The following ZNF365 variants were observed in gnomAD, a reference collection of about 807,000 sequenced individuals.
ZNF365 encodes the protein zinc finger protein 365.
ZNF365 carries 22 observed loss-of-function variants against 35.0 expected under a neutral mutation model. That is an observed-to-expected ratio of 0.63 (90% CI 0.45 to 0.90). The LOEUF is 0.90. ZNF365 is among the 40% of genes least tolerant of loss of function. ZNF365 has a pLI of 0.00. For missense variants in ZNF365, 448 were observed against 500.3 expected (o/e 0.90, Z 1.00); for synonymous variants, 188 against 196.2 (o/e 0.96, Z 0.35).
At chr10:62,418,276 C>CA (rs1013959105) in intron 3 of ZNF365, among the ~76,000 whole-genome samples, 99 of 151,884 alleles carry the variant, frequency 6.5e-4, no homozygotes, top group African/African-American at 2.2e-3. Context: ...TTGGAGTTCA[C>CA]AAAAAATAGG....
At chr10:62,440,440 C>G (rs992810551) in intron 3 of ZNF365, among the ~76,000 whole-genome samples, 3 of 152,030 alleles carry the variant, frequency 2.0e-5, no homozygotes, top group African/African-American at 7.2e-5. Flanking sequence ...TCTGTTGTTT[C>G]CTTCTTTGCA....
chr10:62,422,413 C>T (rs1242305415), intron 3 of ZNF365, among the ~76,000 whole-genome samples: 7 of 152,130 alleles, frequency 4.6e-5, no homozygotes, highest in Admixed American at 4.6e-4. Flanking sequence ...GACTCATTTA[C>T]CAGATGACAA....
At chr10:62,375,179 G>C (rs552170432) in intron 1 of ZNF365, among the ~76,000 whole-genome samples, 1 of 152,246 alleles carries the variant, frequency 6.6e-6, no homozygotes, top group South Asian at 2.1e-4. Context: ...TTGCAGAATT[G>C]GGTTGCCAAC....
intron 3 of ZNF365, among the ~76,000 whole-genome samples, chr10:62,441,955 G>A (rs1340344465): frequency 6.6e-6 from 1 of 152,072 alleles, no homozygotes; most frequent in East Asian, 1.9e-4. Flanking sequence ...TAATGATTCC[G>A]GAGCCCCGTC....
At position 62,387,598 on chromosome 10, in the gene ZNF365, C is replaced by T. The variant is rs143530590; in HGVS notation, c.744-798C>T. On this transcript the variant is annotated intron_variant, in intron 2 of 4. Transcript: ENST00000395254. ...AAAGGAGTAGTTGAAGTATTTTGCTCAGCTTCTTAGGGGAGGGCAACCCAT... is the reference window on the plus strand; with the variant it reads ...AAAGGAGTAGTTGAAGTATTTTGCTTAGCTTCTTAGGGGAGGGCAACCCAT... Among the ~76,000 whole-genome samples, 1,016 of 152,038 alleles carry T rather than the reference C, an allele frequency of 6.7e-3. 3 individuals carry two copies. Among genetic ancestry groups the T allele is most frequent in the Non-Finnish European group, 0.01 (694 of 67,974 alleles).
rs566373797 is a variant in ZNF365, at chr10:62,378,566, A to T, written c.743+1630A>T. ...CTGAAAAACTAAGACATGTTAAAAC[A>T]GGAAAAACTTGAATAGGAGAGAATT... is the stretch of plus-strand genomic sequence containing the variant. On this transcript the variant is annotated intron_variant, in intron 2 of 4. Coordinates refer to ENST00000395254, the MANE Select transcript of ZNF365 (RefSeq NM_014951.3). Among the ~76,000 whole-genome samples, 3 of 152,358 alleles carry T rather than the reference A, an allele frequency of 2.0e-5. 1 individual carries two copies. The highest frequency in any genetic ancestry group is 2.0e-4 in the Admixed American group (3 of 15,308).
chr10:62,408,960 G>A (rs1246163808), intron 3 of ZNF365, among the ~76,000 whole-genome samples: 1 of 152,144 alleles, frequency 6.6e-6, no homozygotes. Context: ...TACTCCAGCT[G>A]TAGTTGACAT....
At chr10:62,447,632 G>A (rs1047319960) in intron 3 of ZNF365, among the ~76,000 whole-genome samples, 34 of 152,182 alleles carry the variant, frequency 2.2e-4, no homozygotes, top group Admixed American at 1.7e-3. Flanking sequence ...TTCTGAAGAC[G>A]GTCAAAGAGT....
chr10:62,388,394 A>G lies in ZNF365; in HGVS notation c.744-2A>G. 1 of 1,614,178 alleles carries G rather than the reference A, an allele frequency of 6.2e-7. No homozygotes were observed. Among genetic ancestry groups the G allele is most frequent in the Non-Finnish European group, 8.5e-7 (1 of 1,180,022 alleles). On this transcript the variant is annotated splice_acceptor_variant, in intron 2 of 4. Coordinates refer to ENST00000395254, the MANE Select transcript of ZNF365 (RefSeq NM_014951.3). LOFTEE classifies it high-confidence loss of function. ...TTGTGTTCTGACATTTTTGCCTTGCAGAGAAGTTGTCACATTCAACCATTT... is the reference window on the plus strand; with the variant it reads ...TTGTGTTCTGACATTTTTGCCTTGCGGAGAAGTTGTCACATTCAACCATTT...
intron 3 of ZNF365, among the ~76,000 whole-genome samples, chr10:62,431,481 G>A (rs1840333065): frequency 6.7e-6 from 1 of 150,372 alleles, no homozygotes; most frequent in Admixed American, 6.6e-5. Flanking sequence ...CAGCAACATA[G>A]TCTATGCTGT....
At chr10:62,447,902 C>G (rs1840616610) in intron 3 of ZNF365, among the ~76,000 whole-genome samples, 1 of 152,190 alleles carries the variant, frequency 6.6e-6, no homozygotes, top group South Asian at 2.1e-4. Context: ...ACCCAAGCTA[C>G]TTAAAGTACA....
chr10:62,476,048 G>A (rs1488511376), intron 4 of ZNF365, among the ~76,000 whole-genome samples: 1 of 150,122 alleles, frequency 6.7e-6, no homozygotes, highest in Non-Finnish European at 1.5e-5. Flanking sequence ...AGTTATTAGA[G>A]ACATATTAAA....
chr10:62,432,450 G>A (rs1840348804), intron 3 of ZNF365, among the ~76,000 whole-genome samples: 2 of 152,148 alleles, frequency 1.3e-5, no homozygotes, highest in Non-Finnish European at 2.9e-5. Context: ...TATAGTTTGA[G>A]GGACTTCTGT....
chr10:62,396,169 C>A (rs1232094544), intron 3 of ZNF365, among the ~76,000 whole-genome samples: 2 of 152,162 alleles, frequency 1.3e-5, no homozygotes, highest in African/African-American at 4.8e-5. Flanking sequence ...TTTATAGGAT[C>A]TTTGGAGGAA....
At chr10:62,438,333 C>T (rs557134565) in intron 3 of ZNF365, among the ~76,000 whole-genome samples, 5 of 151,856 alleles carry the variant, frequency 3.3e-5, no homozygotes, top group South Asian at 4.2e-4. Context: ...GGATTACAGG[C>T]GCAGCAACCA....
intron 3 of ZNF365, among the ~76,000 whole-genome samples, chr10:62,436,003 ACT>A (rs1304849079): frequency 2.0e-5 from 3 of 152,006 alleles, no homozygotes; most frequent in African/African-American, 7.3e-5. Context: ...CACACCTGAG[ACT>A]CTTCAAAATT....
chr10:62,375,007 C>A (rs559592452), intron 1 of ZNF365, among the ~76,000 whole-genome samples: 1 of 152,314 alleles, frequency 6.6e-6, no homozygotes, highest in East Asian at 1.9e-4. Flanking sequence ...CACCTAGAAG[C>A]CTTGCCTGCC....
chr10:62,465,646 G>C (rs1840930238), intron 4 of ZNF365, among the ~76,000 whole-genome samples: 1 of 152,152 alleles, frequency 6.6e-6, no homozygotes, highest in East Asian at 1.9e-4. Context: ...CCTGTGGATA[G>C]AGGCTACCCA....
At chr10:62,410,276 T>C in intron 3 of ZNF365, among the ~76,000 whole-genome samples, 1 of 152,158 alleles carries the variant, frequency 6.6e-6, no homozygotes, top group East Asian at 1.9e-4. Flanking sequence ...GGAGCAGGGC[T>C]AAGGGATAGC....
Sources: allele counts gnomAD v4.1 joint callset (sites outside exome capture counted in the v4.1 genomes callset), GRCh38; gene constraint gnomAD v4.1.1; transcripts MANE v1.5; gene names NCBI Gene and HGNC (gene_info 2026-07-23, HGNC 2026-07-21).